BTN1A1: variants seen among roughly 807,000 people sequenced by gnomAD.
BTN1A1 encodes bK14H9.2 (butyrophilin, subfamily 1, member A1).
BTN1A1 carries 26 observed loss-of-function variants against 33.1 expected under a neutral mutation model. The ratio of observed to expected loss-of-function variants is 0.79; its 90% CI spans 0.58 to 1.09. BTN1A1 has a LOEUF of 1.09. BTN1A1 is among the 50% of genes least tolerant of loss of function. BTN1A1 has a pLI of 0.00. For synonymous variants in BTN1A1, 235 were observed against 256.2 expected, an observed-to-expected ratio of 0.92 and a Z score of 0.79; for missense variants, 558 against 655.7, an observed-to-expected ratio of 0.85 and a Z score of 1.63.
chr6:26,501,547 T>C lies in BTN1A1; in HGVS notation c.80-43T>C. ...AATCTGGTCGGTGTCTGTCCGTAGT[T>C]CCCATCTCCACATCCCGTCTGATCC... On this transcript the variant is annotated intron_variant, in intron 2 of 7. Coordinates refer to ENST00000684113, the MANE Select transcript of BTN1A1 (RefSeq NM_001732.3). This position sits in a 1 kb window ranked among gnomAD's most constrained non-coding sequence, Gnocchi z 5.2. 1 of 1,605,874 alleles carries C rather than the reference T, an allele frequency of 6.2e-7. No individual in the cohort carries two copies. The highest frequency in any genetic ancestry group is 8.5e-7 in the Non-Finnish European group (1 of 1,174,426).
chr6:26,507,633 G>C (rs1194731006), intron 5 of BTN1A1, among the ~76,000 whole-genome samples: 1 of 151,758 alleles, frequency 6.6e-6, no homozygotes, highest in East Asian at 1.9e-4. Flanking sequence ...GCTGAGGCGG[G>C]AGAATGGCTT....
At chr6:26,507,552 C>T (rs77448032) in intron 5 of BTN1A1, among the ~76,000 whole-genome samples, 1 of 151,930 alleles carries the variant, frequency 6.6e-6, no homozygotes, top group South Asian at 2.1e-4. Context: ...ATGGTGAAAC[C>T]CCGTCTCTAA....
chr6:26,509,003 G>A lies in BTN1A1; in HGVS notation c.1410G>A (p.Leu470=). 2 of 1,614,174 alleles carry A rather than the reference G, an allele frequency of 1.2e-6. No individual in the cohort carries two copies. The highest frequency in any genetic ancestry group is 1.7e-6 in the Non-Finnish European group (2 of 1,180,028). ...TATGGTCTAGCGGTAAAAAGCCCCT[G>A]ACCATCTGCCCAATTGCTGATGGGC... The part of the protein sequence containing the change: ...FCLWSSGKKP[L]TICPIADGPE... The change falls in exon 8 of 8, where the codon CTG becomes CTA. Residue 470 remains leucine, a synonymous_variant. Coordinates refer to ENST00000684113, the MANE Select transcript of BTN1A1 (RefSeq NM_001732.3).
chr6:26,509,181 T>A lies in BTN1A1; in HGVS notation c.*7T>A. The A allele has an allele frequency of 6.3e-7, 1 of 1,595,272 alleles. No homozygotes were observed. Among genetic ancestry groups the A allele is most frequent in the Non-Finnish European group, 8.6e-7 (1 of 1,169,346 alleles). ...CAGCCAAGGGGCACCTTAAGGAATA[T>A]CTCAGCTCATCTGTTTTCCTTTCCT... On this transcript the variant is annotated 3_prime_UTR_variant, in exon 8 of 8. Transcript: ENST00000684113.
In BTN1A1 at chr6:26,501,204, T is replaced by C; in HGVS notation, c.-57-26T>C. 2 of 1,152,894 alleles carry C rather than the reference T, an allele frequency of 1.7e-6. No individual in the cohort carries two copies. The highest frequency in any genetic ancestry group is 2.6e-6 in the Non-Finnish European group (2 of 762,390). 71.4% of individuals were successfully genotyped at this position (1,152,894 alleles called of 1,614,324 possible). The stretch of plus-strand genomic sequence containing the variant: ...AGCGGAGGGTTGACAGAGCCGGTAG[T>C]TGTCTCCTGTCCATTCATCTCCTAG... On this transcript the variant is annotated intron_variant, in intron 1 of 7. Transcript: ENST00000684113. The surrounding 1 kb of genome is among the most constrained non-coding windows in gnomAD (Gnocchi z 5.2).
At chr6:26,500,894 A>G (rs2113888110) in intron 1 of BTN1A1, among the ~76,000 whole-genome samples, 1 of 152,350 alleles carries the variant, frequency 6.6e-6, no homozygotes, top group African/African-American at 2.4e-5. Flanking sequence ...CAAGCTGGGC[A>G]ACAGAGCAAG....
intron 5 of BTN1A1, 75 bp from the exon 6 acceptor site, chr6:26,507,875 T>C: frequency 1.4e-6 from 2 of 1,456,994 alleles, no homozygotes; most frequent in East Asian, 2.3e-5. Context: ...CCTTTGTGTG[T>C]TTCCCACACG....
Position 26,509,164 on chromosome 6 carries a change from G to A in BTN1A1, c.1571G>A (p.Gly524Glu), listed in dbSNP as rs115774646. ...SKLIPTQPSQ[G>E]AP ...CTAATCCCTACCCAACCCAGCCAAG[G>A]GGCACCTTAAGGAATATCTCAGCTC... Residue 524 changes from glycine to glutamate, a missense_variant, in exon 8 of 8, where the codon GGG becomes GAG. Physicochemically the swap from Gly to Glu is moderately conservative, Grantham distance 98. Coordinates refer to ENST00000684113, the MANE Select transcript of BTN1A1 (RefSeq NM_001732.3). 2.2e-3 allele frequency: 3,468 copies of A among 1,610,322 alleles called. 40 individuals are homozygous for A. The African/African-American group carries it at 0.029, about 13-fold the overall frequency.
chr6:26,507,865 C>T (rs1394785397), intron 5 of BTN1A1, 85 bp from the exon 6 acceptor site: 1 of 1,348,390 alleles, frequency 7.4e-7, no homozygotes, highest in Non-Finnish European at 1.1e-6. Flanking sequence ...AACAGTTCCT[C>T]CTTTGTGTGT....
intron 4 of BTN1A1, 22 bp from the exon 5 acceptor site, chr6:26,506,661 C>T (rs1364175817): frequency 6.2e-7 from 1 of 1,612,106 alleles, no homozygotes; most frequent in Admixed American, 1.7e-5. Flanking sequence ...AACTAATGTC[C>T]TTCTTGGGGA....
chr6:26,500,386 C>T (rs1444837330), intron 1 of BTN1A1, among the ~76,000 whole-genome samples, 28 bp downstream of exon 1: 1 of 152,114 alleles, frequency 6.6e-6, no homozygotes, highest in Non-Finnish European at 1.5e-5. Flanking sequence ...CTCTCAGCTC[C>T]CTGAGGGAGT....
At chr6:26,505,919 C>G (rs190502405) in intron 4 of BTN1A1, among the ~76,000 whole-genome samples, 129 of 151,910 alleles carry the variant, frequency 8.5e-4, no homozygotes, top group Middle Eastern at 3.4e-3. Flanking sequence ...GAGATCGAGA[C>G]CATACTGGCC....
In BTN1A1 at chr6:26,508,679, G is replaced by A; in HGVS notation, c.1086G>A (p.Val362=). The A allele has an allele frequency of 1.9e-6, 3 of 1,614,192 alleles. No individual in the cohort carries two copies. Among genetic ancestry groups the A allele is most frequent in the Non-Finnish European group, 1.7e-6 (2 of 1,180,032 alleles). Reference sequence around the variant, plus strand: ...CCTCAGGAAGGCATTACTGGGAGGTGGAGGTGGGAGACAGGACTGACTGGG... The same window carrying A: ...CCTCAGGAAGGCATTACTGGGAGGTAGAGGTGGGAGACAGGACTGACTGGG... The part of the protein sequence containing the change: ...TFTSGRHYWE[V]EVGDRTDWAI... The change falls in exon 8 of 8, where the codon GTG becomes GTA. Residue 362 remains valine, a synonymous_variant. Coordinates refer to ENST00000684113, the MANE Select transcript of BTN1A1 (RefSeq NM_001732.3).
intron 3 of BTN1A1, 135 bp downstream of exon 3, chr6:26,502,072 A>G (rs1763808493): frequency 5.3e-6 from 7 of 1,312,216 alleles, no homozygotes; most frequent in South Asian, 4.7e-5. Flanking sequence ...AGGGACGACT[A>G]TCTGGGCGGG....
chr6:26,502,935 G>A (rs755442175), intron 3 of BTN1A1, among the ~76,000 whole-genome samples: 4 of 152,172 alleles, frequency 2.6e-5, no homozygotes, highest in Admixed American at 2.0e-4. Context: ...ACGCATTGAG[G>A]TCTGACTTTC....
Position 26,501,852 on chromosome 6 carries a change from CAG to C in BTN1A1, c.345_346del (p.Arg115SerfsTer3), listed in dbSNP as rs747589600. 8.1e-6 allele frequency: 13 copies of C among 1,610,740 alleles called. No homozygotes were observed. Among genetic ancestry groups the C allele is most frequent in the Admixed American group, 1.7e-5 (1 of 59,928 alleles). On this transcript the variant is annotated frameshift_variant, in exon 3 of 8. Transcript: ENST00000684113. LOFTEE classifies it high-confidence loss of function. The surrounding 1 kb of genome is among the most constrained non-coding windows in gnomAD (Gnocchi z 5.2). The part of the protein sequence containing the change: ...GRVALRIRGV[R>X]VSDDGEYTCF... ...GCGTGGCCTTGAGGATCCGTGGCGT[CAG>C]AGTCTCTGACGACGGGGAGTACACG...
At position 26,501,641 on chromosome 6, in the gene BTN1A1, A is replaced by AG; in HGVS notation, c.133dup (p.Asp45GlyfsTer34). 6.2e-7 allele frequency: 1 copy of AG among 1,613,910 alleles called. No homozygotes were observed. Among genetic ancestry groups the AG allele is most frequent in the Non-Finnish European group, 8.5e-7 (1 of 1,179,978 alleles). ...GAGCCCATCCTGGCCGTTGTGGGTG[A>AG]GGACGCCGAGCTGCCCTGTCGCCTG... On this transcript the variant is annotated frameshift_variant, in exon 3 of 8. Transcript: ENST00000684113. LOFTEE classifies it high-confidence loss of function. This position sits in a 1 kb window ranked among gnomAD's most constrained non-coding sequence, Gnocchi z 5.2.
chr6:26,506,817 G>T lies in BTN1A1; in HGVS notation c.844G>T (p.Glu282Ter), dbSNP rs1763877104. 1 of 1,614,114 alleles carries T rather than the reference G, an allele frequency of 6.2e-7. No homozygotes were observed. Among genetic ancestry groups the T allele is most frequent in the Non-Finnish European group, 8.5e-7 (1 of 1,180,030 alleles). Residue 282 changes from glutamate to a stop codon, truncating the protein, a stop_gained, in exon 5 of 8, where the codon GAA (glutamate) becomes TAA (stop). Transcript: ENST00000684113. LOFTEE classifies it high-confidence loss of function. The part of the protein sequence containing the change: ...YNERPRERRN[E>*]FSSKERLLEE... ...CGAAAGACCCAGAGAGAGGAGGAAT[G>T]AATTCAGCTCTAAAGGTAAACCATA...
chr6:26,504,679 G>A (rs1763846324), intron 3 of BTN1A1, among the ~76,000 whole-genome samples: 1 of 151,926 alleles, frequency 6.6e-6, no homozygotes, highest in African/African-American at 2.4e-5. Flanking sequence ...TGTTGCCCAG[G>A]CTGGTCTTGA....
Sources: allele counts gnomAD v4.1 joint callset (sites outside exome capture counted in the v4.1 genomes callset), GRCh38; gene constraint gnomAD v4.1.1; non-coding constraint Gnocchi (gnomAD v3.1); transcripts MANE v1.5; gene names NCBI Gene and HGNC (gene_info 2026-07-23, HGNC 2026-07-21).